Variants in PTGES3L observed in about 807,000 individuals in gnomAD.
PTGES3L encodes putative protein PTGES3L.
In PTGES3L, 17 loss-of-function variants were observed where a neutral mutation model predicts 25.0. The ratio of observed to expected loss-of-function variants is 0.68; its 90% CI spans 0.47 to 1.02. The LOEUF (loss-of-function observed/expected upper bound fraction) is 1.02, where lower values mean the gene tolerates loss of function less well. Ranked by LOEUF, PTGES3L falls within the 50% of genes least tolerant of loss-of-function variation. PTGES3L has a pLI of 0.00. For synonymous variants in PTGES3L, 59 were observed against 65.7 expected, an observed-to-expected ratio of 0.90 and a Z score of 0.50; for missense variants, 202 against 197.5, an observed-to-expected ratio of 1.02 and a Z score of -0.14.
rs8064783 is a variant in PTGES3L, at chr17:42,970,271, G to A, written c.432+18C>T. The A allele has an allele frequency of 8.5e-3, 13,668 of 1,613,746 alleles. 954 individuals carry two copies. In the African/African-American group the frequency reaches 0.16, roughly 19 times the overall value. ...GGCTACAAAGAAACTGAAGGGTTGA[G>A]GGGAAGGCTTTACTTACATCCAAAT... On this transcript the variant is annotated intron_variant, in intron 6 of 6. Coordinates refer to ENST00000591916, the MANE Select transcript of PTGES3L (RefSeq NM_001261430.2).
At chr17:42,969,447 C>T (rs1336123815) in intron 6 of PTGES3L, among the ~76,000 whole-genome samples, 5 of 144,856 alleles carry the variant, frequency 3.5e-5, no homozygotes, top group Non-Finnish European at 7.5e-5. Flanking sequence ...CTTGCTTCAT[C>T]ACCCAGCTGC....
intron 4 of PTGES3L, chr17:42,971,941 G>A (rs945012254): frequency 2.3e-6 from 1 of 428,378 alleles, no homozygotes; most frequent in Non-Finnish European, 4.3e-6. Flanking sequence ...TGTAATCTCA[G>A]CACTTTGGAA....
chr17:42,974,025 T>TA (rs900792544), intron 4 of PTGES3L, among the ~76,000 whole-genome samples: 23 of 148,026 alleles, frequency 1.6e-4, no homozygotes, highest in Admixed American at 1.3e-3. Flanking sequence ...AAAATAAAAA[T>TA]AAAAAAAAAT....
In PTGES3L at chr17:42,969,038, T is replaced by C; in HGVS notation, c.*110A>G. On this transcript the variant is annotated 3_prime_UTR_variant, in exon 7 of 7. Coordinates refer to ENST00000591916, the MANE Select transcript of PTGES3L (RefSeq NM_001261430.2). ...GAGCTTCTAGGAAAGTTCAGAGATC[T>C]CAGAAGAACTTGGTGCACAGCCAAA... is the stretch of plus-strand genomic sequence containing the variant. The C allele has an allele frequency of 1.3e-6, 1 of 776,390 alleles. No individual in the cohort carries two copies. Among genetic ancestry groups the C allele is most frequent in the Non-Finnish European group, 2.1e-6 (1 of 465,694 alleles). The allele number at this position is 776,390 out of a possible 1,614,324, so 48.1% of individuals were successfully genotyped here.
intron 4 of PTGES3L, among the ~76,000 whole-genome samples, chr17:42,978,575 C>A (rs1313269010): frequency 6.6e-6 from 1 of 152,126 alleles, no homozygotes; most frequent in Non-Finnish European, 1.5e-5. Flanking sequence ...TAAAAAGAGA[C>A]TCAGGACAAA....
chr17:42,970,755 C>CACT (rs1184801457), intron 5 of PTGES3L, among the ~76,000 whole-genome samples: 23 of 78,366 alleles, frequency 2.9e-4, no homozygotes, highest in African/African-American at 7.3e-4. Context: ...GTAATGTGAG[C>CACT]ACTTTGGGAG....
At chr17:42,975,523 A>C (rs992095063) in intron 4 of PTGES3L, among the ~76,000 whole-genome samples, 6 of 152,132 alleles carry the variant, frequency 3.9e-5, no homozygotes, top group African/African-American at 1.4e-4. Context: ...AACGGATCTC[A>C]ACCTAAAGGG....
intron 6 of PTGES3L, among the ~76,000 whole-genome samples, chr17:42,969,401 CTTTTTTTT>C (rs67136149): frequency 2.7e-5 from 2 of 73,010 alleles, no homozygotes; most frequent in Non-Finnish European, 5.3e-5. Context: ...AGTTTCAGGA[CTTTTTTTT>C]TTTTTTTTTT....
chr17:42,971,147 A>C (rs2049828785), intron 5 of PTGES3L, among the ~76,000 whole-genome samples: 2 of 152,050 alleles, frequency 1.3e-5, no homozygotes, highest in Non-Finnish European at 2.9e-5. Context: ...AAAAAATACA[A>C]AAATTATCCA....
rs569264176 is a variant in PTGES3L at position 42,979,726 on chromosome 17, A to G, written c.9-63T>C. On this transcript the variant is annotated intron_variant, in intron 1 of 6. Coordinates refer to ENST00000591916, the MANE Select transcript of PTGES3L (RefSeq NM_001261430.2). ...AGAGGGAAGACTGAGGTCATTTGGG[A>G]AGGGACTACCCAGGGACCTTTGATG... 25 of 1,571,948 alleles carry G rather than the reference A, an allele frequency of 1.6e-5. No homozygotes were observed. In the African/African-American group the frequency reaches 3.1e-4, roughly 20 times the overall value.
At position 42,968,857 on chromosome 17, in the gene PTGES3L, C is replaced by A; in HGVS notation, c.*291G>T. ...TTGTTTTGCCACATACACACACATA[C>A]TCAAATAATCAAGTGGCCTAAACAC... On this transcript the variant is annotated 3_prime_UTR_variant, in exon 7 of 7. Transcript: ENST00000591916. 1 of 378,338 alleles carries A rather than the reference C, an allele frequency of 2.6e-6. No homozygotes were observed. Among genetic ancestry groups the A allele is most frequent in the Non-Finnish European group, 4.8e-6 (1 of 209,694 alleles). The allele number at this position is 378,338 out of a possible 1,614,324, so 23.4% of individuals were successfully genotyped here. A position where few individuals can be genotyped will look rare whatever the true frequency, so the allele number is the denominator to read the frequency against.
intron 4 of PTGES3L, among the ~76,000 whole-genome samples, chr17:42,976,384 T>C (rs934919613): frequency 1.4e-4 from 21 of 152,238 alleles, no homozygotes; most frequent in African/African-American, 5.1e-4. Context: ...GTCAAAATAA[T>C]TTCTTTTTTT....
chr17:42,971,265 C>T (rs1446547856), intron 5 of PTGES3L, among the ~76,000 whole-genome samples: 1 of 143,450 alleles, frequency 7.0e-6, no homozygotes, highest in African/African-American at 2.6e-5. Flanking sequence ...CATTGCACTC[C>T]AGCCTAGGCG....
At chr17:42,970,396 C>T in intron 5 of PTGES3L, 54 bp from the exon 6 acceptor site, 1 of 1,603,202 alleles carries the variant, frequency 6.2e-7, no homozygotes, top group South Asian at 1.1e-5. Flanking sequence ...GAAGAACAAT[C>T]TGCACATTGA....
At chr17:42,975,104 C>A (rs1381166967) in intron 4 of PTGES3L, among the ~76,000 whole-genome samples, 1 of 145,862 alleles carries the variant, frequency 6.9e-6, no homozygotes, top group Non-Finnish European at 1.5e-5. Context: ...CCACTGTACT[C>A]CAGCCTGAGT....
intron 6 of PTGES3L, among the ~76,000 whole-genome samples, chr17:42,969,400 A>G (rs1476838405): frequency 9.4e-6 from 1 of 106,064 alleles, no homozygotes. Context: ...TAGTTTCAGG[A>G]CTTTTTTTTT....
intron 4 of PTGES3L, among the ~76,000 whole-genome samples, chr17:42,973,755 C>T (rs900743111): frequency 1.3e-5 from 2 of 149,310 alleles, no homozygotes; most frequent in African/African-American, 2.5e-5. Flanking sequence ...GGGTTAAGGG[C>T]GGTGCAAGAT....
chr17:42,971,536 C>T, intron 5 of PTGES3L, 71 bp downstream of exon 5: 1 of 1,566,346 alleles, frequency 6.4e-7, no homozygotes, highest in Non-Finnish European at 8.8e-7. Flanking sequence ...TGACAATCCT[C>T]CAGAGACATG....
chr17:42,974,063 A>G (rs1004653142), intron 4 of PTGES3L, among the ~76,000 whole-genome samples: 3 of 152,132 alleles, frequency 2.0e-5, no homozygotes, highest in African/African-American at 7.2e-5. Context: ...AACCAATAAG[A>G]CAGACAAGCT....
Sources: allele counts gnomAD v4.1 joint callset (sites outside exome capture counted in the v4.1 genomes callset), GRCh38; gene constraint gnomAD v4.1.1; transcripts MANE v1.5; gene names NCBI Gene and HGNC (gene_info 2026-07-23, HGNC 2026-07-21).